SPIN1: variants seen among roughly 807,000 people sequenced by gnomAD.
The protein encoded by SPIN1 is spindlin 1.
In SPIN1, 3 loss-of-function variants were observed where a neutral mutation model predicts 26.0. The observed-to-expected ratio is 0.12, with a 90% CI of 0.05 to 0.30. The LOEUF is 0.30. SPIN1 is among the 10% of genes least tolerant of loss of function. The pLI is 1.00. For synonymous variants in SPIN1, 101 were observed against 116.5 expected (o/e 0.87, Z 0.86); for missense variants, 126 against 333.4 (o/e 0.38, Z 4.84).
chr9:88,461,639 G>C (rs1164951225), intron 3 of SPIN1, among the ~76,000 whole-genome samples: 1 of 152,136 alleles, frequency 6.6e-6, no homozygotes, highest in East Asian at 1.9e-4. Flanking sequence ...AAAACTGTGG[G>C]AAGGGAATTC....
intron 3 of SPIN1, among the ~76,000 whole-genome samples, chr9:88,460,563 A>G (rs1354220361): frequency 6.6e-6 from 1 of 152,212 alleles, no homozygotes; most frequent in Non-Finnish European, 1.5e-5. Context: ...GCTGTCTGTA[A>G]GCCAAGCCTC....
intron 1 of SPIN1, among the ~76,000 whole-genome samples, chr9:88,426,003 A>C (rs1827759204): frequency 6.6e-6 from 1 of 151,972 alleles, no homozygotes; most frequent in Non-Finnish European, 1.5e-5. Flanking sequence ...GTCCCATTAG[A>C]CAGATGGGCC....
rs573833599 is a variant in SPIN1, at chr9:88,444,983, G to A, written c.53-3958G>A. On this transcript the variant is annotated intron_variant, in intron 2 of 5. Transcript: ENST00000375859. ...TGCTGGGATTACAGGCGTGAGCCACGCGCCCAGCCCCTTTTCTTGAGTGAT... is the reference window on the plus strand; with the variant it reads ...TGCTGGGATTACAGGCGTGAGCCACACGCCCAGCCCCTTTTCTTGAGTGAT... Among the ~76,000 whole-genome samples the A allele has an allele frequency of 1.2e-4, 18 of 152,202 alleles. No homozygotes were observed. The East Asian group carries it at 3.3e-3, about 28-fold the overall frequency.
chr9:88,416,158 T>C lies in SPIN1; in HGVS notation c.-158-10224T>C, dbSNP rs1014700748. 6.6e-5 allele frequency among the ~76,000 whole-genome samples: 10 copies of C among 152,174 alleles called. 1 individual carries two copies. In the South Asian group the frequency reaches 8.3e-4, roughly 13 times the overall value. ...CTATAAAACCTAAAACCATTGACCC[T>C]AAATTTTTGTTGTGAAACATTTCTA... On this transcript the variant is annotated intron_variant, in intron 1 of 5. Coordinates refer to ENST00000375859, the MANE Select transcript of SPIN1 (RefSeq NM_006717.3).
At chr9:88,406,689 T>C (rs1827318018) in intron 1 of SPIN1, among the ~76,000 whole-genome samples, 1 of 152,206 alleles carries the variant, frequency 6.6e-6, no homozygotes, top group Admixed American at 6.5e-5. Flanking sequence ...AGTTTCAATC[T>C]GTTAATAAGT....
intron 2 of SPIN1, among the ~76,000 whole-genome samples, chr9:88,439,549 A>G (rs1828076895): frequency 1.3e-5 from 2 of 152,206 alleles, no homozygotes; most frequent in Admixed American, 6.5e-5. Context: ...TGAAATGTGA[A>G]AGACTTCTGG....
At chr9:88,438,024 G>A (rs912223231) in intron 2 of SPIN1, among the ~76,000 whole-genome samples, 14 of 152,078 alleles carry the variant, frequency 9.2e-5, no homozygotes, top group African/African-American at 3.1e-4. Context: ...GGTGATGCGC[G>A]CCTGTAATCC....
Position 88,441,414 on chromosome 9 carries a change from T to TGTGTGTGTGTGTGTGTGTGTGTGC in SPIN1, c.53-7526_53-7525insTGTGTGTGTGTGTGTGTGTGTGCG. 5.5e-3 allele frequency among the ~76,000 whole-genome samples: 777 copies of TGTGTGTGTGTGTGTGTGTGTGTGC among 141,228 alleles called. 20 individuals carry two copies. The highest frequency in any genetic ancestry group is 0.018 in the African/African-American group (616 of 34,360). 92.7% of individuals were successfully genotyped at this position (141,228 alleles called of 152,430 possible). A position where few individuals can be genotyped will look rare whatever the true frequency, so the allele number is the denominator to read the frequency against. Reference sequence around the variant, plus strand: ...GCTGCCATTCGTGTGTGTGTGTGTGTGCGCGCGCGCGCGCCCATGTGTGTG... The same window carrying TGTGTGTGTGTGTGTGTGTGTGTGC: ...GCTGCCATTCGTGTGTGTGTGTGTGTGTGTGTGTGTGTGTGTGTGTGTGCGCGCGCGCGCGCGCCCATGTGTGTG... On this transcript the variant is annotated intron_variant, in intron 2 of 5. Coordinates refer to ENST00000375859, the MANE Select transcript of SPIN1 (RefSeq NM_006717.3).
rs1173720165 is a variant in SPIN1, at chr9:88,399,998, G to A, written c.-159+11460G>A. Among the ~76,000 whole-genome samples the A allele has an allele frequency of 2.8e-4, 42 of 152,174 alleles. 1 individual carries two copies. Among genetic ancestry groups the A allele is most frequent in the Admixed American group, 2.8e-3 (42 of 15,270 alleles). On this transcript the variant is annotated intron_variant, in intron 1 of 5. Transcript: ENST00000375859. ...ATGGTCAGATTCTGTTTAAGCTGGA[G>A]TCCTTAAATCCTTAAATGCTGCTCT...
At chr9:88,393,750 A>G (rs1041427524) in intron 1 of SPIN1, among the ~76,000 whole-genome samples, 4 of 151,816 alleles carry the variant, frequency 2.6e-5, no homozygotes, top group African/African-American at 9.7e-5. Flanking sequence ...CCATCTCTCC[A>G]GAGCTGATTT....
chr9:88,456,505 A>G (rs532958281), intron 3 of SPIN1, among the ~76,000 whole-genome samples: 17 of 152,284 alleles, frequency 1.1e-4, no homozygotes, highest in African/African-American at 3.9e-4. Flanking sequence ...AGGGTAAGAA[A>G]ATTGATTGTA....
At chr9:88,399,198 G>GT in intron 1 of SPIN1, among the ~76,000 whole-genome samples, 1 of 151,872 alleles carries the variant, frequency 6.6e-6, no homozygotes, top group African/African-American at 2.4e-5. Context: ...TGCCTGGCTA[G>GT]TTTTTTTGTA....
intron 1 of SPIN1, among the ~76,000 whole-genome samples, chr9:88,418,591 G>A (rs183059814): frequency 1.4e-3 from 211 of 152,274 alleles, no homozygotes; most frequent in Non-Finnish European, 2.1e-3. Context: ...TTTATAAATA[G>A]CACTGTTCAG....
At chr9:88,435,793 C>T (rs886441492) in intron 2 of SPIN1, among the ~76,000 whole-genome samples, 4 of 152,142 alleles carry the variant, frequency 2.6e-5, no homozygotes, top group Admixed American at 2.0e-4. Flanking sequence ...TCCCTGGTCT[C>T]TCACTCCCAC....
chr9:88,425,377 T>G (rs1408382339), intron 1 of SPIN1, among the ~76,000 whole-genome samples: 1 of 152,024 alleles, frequency 6.6e-6, no homozygotes, highest in Non-Finnish European at 1.5e-5. Flanking sequence ...TAAATTTGGT[T>G]TAAAAGATGA....
rs556472705 is a variant in SPIN1 at position 88,438,918 on chromosome 9, A to G, written c.53-10023A>G. 2.0e-5 allele frequency among the ~76,000 whole-genome samples: 3 copies of G among 152,286 alleles called. No homozygotes were observed. The East Asian group carries it at 5.8e-4, about 29-fold the overall frequency. Reference sequence around the variant, plus strand: ...ACAACAAGAAACCATGTCAATTTATATGATCGAAGAGAGACTTTTAAGACA... The same window carrying G: ...ACAACAAGAAACCATGTCAATTTATGTGATCGAAGAGAGACTTTTAAGACA... On this transcript the variant is annotated intron_variant, in intron 2 of 5. Coordinates refer to ENST00000375859, the MANE Select transcript of SPIN1 (RefSeq NM_006717.3).
chr9:88,441,064 T>A (rs7874358), intron 2 of SPIN1, among the ~76,000 whole-genome samples: 28,318 of 151,700 alleles, frequency 0.19, 3,607 homozygotes, highest in African/African-American at 0.35. Context: ...TGTGGATTCA[T>A]CCAAACACAG....
intron 1 of SPIN1, among the ~76,000 whole-genome samples, chr9:88,418,359 A>G (rs1827608422): frequency 6.6e-6 from 1 of 152,250 alleles, no homozygotes; most frequent in Non-Finnish European, 1.5e-5. Flanking sequence ...ATATTTCTTC[A>G]CGTTTAACCT....
intron 2 of SPIN1, among the ~76,000 whole-genome samples, chr9:88,443,841 C>CAACT (rs1828188740): frequency 6.6e-6 from 1 of 152,136 alleles, no homozygotes. Flanking sequence ...ATGGCTTGAT[C>CAACT]AACTTCCCCG....
Sources: allele counts gnomAD v4.1 joint callset (sites outside exome capture counted in the v4.1 genomes callset), GRCh38; gene constraint gnomAD v4.1.1; transcripts MANE v1.5; gene names NCBI Gene and HGNC (gene_info 2026-07-23, HGNC 2026-07-21).